Variants in PSMC1 observed in about 807,000 individuals in gnomAD.
PSMC1 encodes proteasome 26S subunit, ATPase 1, also known as 26S proteasome regulatory subunit 4.
Under a neutral mutation model 49.8 loss-of-function variants are expected in PSMC1, and 5 were observed. That is an observed-to-expected ratio of 0.10 (90% CI 0.05 to 0.21). PSMC1 has a LOEUF of 0.21. Ranked by LOEUF, PSMC1 falls within the 10% of genes least tolerant of loss-of-function variation. The probability of loss-of-function intolerance (pLI) is 1.00; values close to 1 mark genes in which losing one functional copy is unlikely to be tolerated. For synonymous variants in PSMC1, 155 were observed against 192.1 expected (o/e 0.81, Z 1.60); for missense variants, 181 against 535.7 (o/e 0.34, Z 6.54).
intron 9 of PSMC1, 86 bp from the exon 10 acceptor site, chr14:90,270,112 T>C: frequency 2.1e-6 from 3 of 1,399,372 alleles, no homozygotes; most frequent in Non-Finnish European, 2.9e-6. Flanking sequence ...AAACTTCGTA[T>C]GTAAGGAGAT....
intron 2 of PSMC1, among the ~76,000 whole-genome samples, chr14:90,259,869 G>A (rs1198853777): frequency 7.2e-5 from 11 of 152,138 alleles, no homozygotes; most frequent in African/African-American, 2.2e-4. Context: ...TGATCCTCCC[G>A]CCTCAGCCTC....
At position 90,269,789 on chromosome 14, in the gene PSMC1, C is replaced by T. The variant is rs188546207; in HGVS notation, c.1033+241C>T. On this transcript the variant is annotated intron_variant, in intron 9 of 10. Transcript: ENST00000261303. ...TTGTCTTTTCTTTTCCATAACATTC[C>T]CTTTTTAGCCTCAAGAACTTGCTGC... 2.9e-3 allele frequency: 1,270 copies of T among 430,728 alleles called. 6 individuals carry two copies. The highest frequency in any genetic ancestry group is 4.2e-3 in the Non-Finnish European group (1,022 of 246,258). 26.7% of individuals were successfully genotyped at this position (430,728 alleles called of 1,614,324 possible). A position where few individuals can be genotyped will look rare whatever the true frequency, so the allele number is the denominator to read the frequency against.
chr14:90,266,943 C>A (rs1566674143), intron 7 of PSMC1, among the ~76,000 whole-genome samples: 1 of 152,122 alleles, frequency 6.6e-6, no homozygotes, highest in Non-Finnish European at 1.5e-5. Flanking sequence ...CCCTGTCACA[C>A]ACCAGCTAGC....
intron 1 of PSMC1, among the ~76,000 whole-genome samples, chr14:90,258,674 A>C (rs553793658): frequency 2.0e-5 from 3 of 152,330 alleles, no homozygotes; most frequent in African/African-American, 7.2e-5. Context: ...TATTGGAAGG[A>C]AAGTCTTCTG....
chr14:90,265,850 C>A (rs907403396), intron 7 of PSMC1, among the ~76,000 whole-genome samples: 1 of 147,252 alleles, frequency 6.8e-6, no homozygotes, highest in Non-Finnish European at 1.5e-5. Context: ...CAGAGTGAGA[C>A]CCTGTCTGAA....
In PSMC1 at chr14:90,274,786, C is replaced by CCACACACACACACA. The variant is rs1566677946; in HGVS notation, c.*2379_*2380insCACACACACACACA. 2 of 81,562 alleles carry CCACACACACACACA rather than the reference C, an allele frequency of 2.5e-5. No homozygotes were observed. Among genetic ancestry groups the CCACACACACACACA allele is most frequent in the African/African-American group, 4.9e-5 (1 of 20,208 alleles). The allele number at this position is 81,562 out of a possible 1,614,324, so 5.1% of individuals were successfully genotyped here. On this transcript the variant is annotated 3_prime_UTR_variant, in exon 11 of 11. Transcript: ENST00000261303. Reference sequence around the variant, plus strand: ...ACAGTATAGCCCTTTAAATAGGGAACTACACACACACACACACACACACAC... The same window carrying CCACACACACACACA: ...ACAGTATAGCCCTTTAAATAGGGAACCACACACACACACATACACACACACACACACACACACAC...
Position 90,259,177 on chromosome 14 carries a change from T to G in PSMC1, c.21T>G (p.Gly7=), listed in dbSNP as rs912608276. MGQSQS[G]GHGPGGGKKD... is the part of the protein sequence containing the mutation. ...TCCTCCAGGGTCAAAGTCAGAGTGG[T>G]GGTCATGGTCCTGGAGGTGGCAAGA... The change falls in exon 2 of 11, where the codon GGT becomes GGG. Residue 7 remains glycine (G), a synonymous_variant. Transcript: ENST00000261303. 1 of 1,613,934 alleles carries G rather than the reference T, an allele frequency of 6.2e-7. No individual in the cohort carries two copies. The highest frequency in any genetic ancestry group is 1.7e-5 in the Admixed American group (1 of 59,994).
At chr14:90,263,531 C>A in intron 4 of PSMC1, 89 bp downstream of exon 4, 1 of 1,459,564 alleles carries the variant, frequency 6.9e-7, no homozygotes, top group Non-Finnish European at 9.3e-7. Context: ...GTAGCTGAAC[C>A]TGTCCAGGCT....
chr14:90,261,464 C>T (rs905201033), intron 3 of PSMC1, among the ~76,000 whole-genome samples: 1 of 152,088 alleles, frequency 6.6e-6, no homozygotes, highest in African/African-American at 2.4e-5. Context: ...GTAGGAAGTC[C>T]AAAACCAGTC....
chr14:90,257,632 G>A (rs997084821), intron 1 of PSMC1, among the ~76,000 whole-genome samples: 1 of 151,966 alleles, frequency 6.6e-6, no homozygotes, highest in East Asian at 1.9e-4. Flanking sequence ...TTTTTGAGAC[G>A]GAGTCTTGGT....
At chr14:90,264,248 G>A in intron 6 of PSMC1, 79 bp downstream of exon 6, 1 of 1,567,712 alleles carries the variant, frequency 6.4e-7, no homozygotes, top group Non-Finnish European at 8.6e-7. Flanking sequence ...CAGGTGTTTT[G>A]TATGTTTGCT....
Position 90,264,115 on chromosome 14 carries a change from C to G in PSMC1, c.540C>G (p.Pro180=), listed in dbSNP as rs1891458642. ...CAGTGATGAAGGTAGAAAAGGCCCC[C>G]CAGGAGACCTATGCAGATATTGGGG... The part of the protein sequence containing the change: ...LVTVMKVEKA[P]QETYADIGGL... The change falls in exon 6 of 11, where the codon CCC becomes CCG. Residue 180 remains proline, a synonymous_variant. Coordinates refer to ENST00000261303, the MANE Select transcript of PSMC1 (RefSeq NM_002802.3). 2 of 1,613,288 alleles carry G rather than the reference C, an allele frequency of 1.2e-6. No homozygotes were observed. Among genetic ancestry groups the G allele is most frequent in the Non-Finnish European group, 1.7e-6 (2 of 1,179,818 alleles).
intron 7 of PSMC1, 82 bp downstream of exon 7, chr14:90,265,248 A>G (rs1377490988): frequency 1.8e-5 from 11 of 615,536 alleles, no homozygotes; most frequent in East Asian, 1.5e-4. Flanking sequence ...TACTGAACTA[A>G]TAAGAGAGGA....
chr14:90,265,299 G>T, intron 7 of PSMC1, 133 bp downstream of exon 7: 2 of 546,686 alleles, frequency 3.7e-6, no homozygotes, highest in South Asian at 2.9e-5. Flanking sequence ...GCTCAACCTT[G>T]TCTGCATGTT....
At chr14:90,256,646 G>C in intron 1 of PSMC1, 46 bp downstream of exon 1, 1 of 1,575,748 alleles carries the variant, frequency 6.3e-7, no homozygotes, top group Non-Finnish European at 8.6e-7. Flanking sequence ...CGGTGCGATG[G>C]GGTCTCAGCA....
At position 90,269,513 on chromosome 14, in the gene PSMC1, G is replaced by A. The variant is rs1449614028; in HGVS notation, c.998G>A (p.Arg333Gln). 2 of 1,613,856 alleles carry A rather than the reference G, an allele frequency of 1.2e-6. No individual in the cohort carries two copies. Among genetic ancestry groups the A allele is most frequent in the Non-Finnish European group, 8.5e-7 (1 of 1,179,950 alleles). ...GDVKVIMATN[R>Q]IETLDPALIR... ...GTGAAAGTTATCATGGCCACAAACC[G>A]AATAGAAACTTTGGATCCAGCACTT... The change falls in exon 9 of 11, where the codon CGA becomes CAA. Residue 333 changes from arginine to glutamine, a missense_variant. Transcript: ENST00000261303.
At chr14:90,259,298 T>G (rs1891351591) in intron 2 of PSMC1, 85 bp downstream of exon 2, 2 of 1,319,612 alleles carry the variant, frequency 1.5e-6, no homozygotes, top group Non-Finnish European at 2.1e-6. Context: ...TGGGGATTCA[T>G]GAATTTTAAA....
chr14:90,270,592 G>A (rs2139652245), intron 10 of PSMC1: 2 of 407,788 alleles, frequency 4.9e-6, no homozygotes, highest in South Asian at 5.2e-5. Flanking sequence ...TGAGTCGCTG[G>A]TACTAAGCCT....
At chr14:90,261,551 A>G (rs1891398090) in intron 3 of PSMC1, among the ~76,000 whole-genome samples, 1 of 152,200 alleles carries the variant, frequency 6.6e-6, no homozygotes, top group Non-Finnish European at 1.5e-5. Context: ...ATTTAATATA[A>G]AAGGCATTTC....
Sources: gnomAD v4.1 joint callset for allele counts (sites outside exome capture counted in the v4.1 genomes callset) on GRCh38, gnomAD v4.1.1 for gene constraint, MANE v1.5 for transcripts, NCBI Gene and HGNC (gene_info 2026-07-23, HGNC 2026-07-21) for gene names.